STIM1: variants seen among roughly 807,000 people sequenced by gnomAD.
STIM1 encodes the protein stromal interaction molecule 1.
In STIM1, 25 loss-of-function variants were observed where a neutral mutation model predicts 74.7. The observed-to-expected ratio is 0.33, with a 90% CI of 0.24 to 0.47. The LOEUF is 0.47. Among genes scored for constraint, STIM1 ranks in the 20% least tolerant of loss-of-function variants. The pLI, the probability that STIM1 is intolerant of heterozygous loss-of-function variation, is 1.00. For missense variants in STIM1, 728 were observed against 920.8 expected (o/e 0.79, Z 2.71); for synonymous variants, 328 against 348.8 (o/e 0.94, Z 0.66).
intron 1 of STIM1, among the ~76,000 whole-genome samples, chr11:3,873,433 A>T (rs1465308394): frequency 1.2e-4 from 18 of 151,742 alleles, no homozygotes; most frequent in African/African-American, 4.4e-4. Flanking sequence ...AAAAAAAAAA[A>T]AAAATTAAAA....
chr11:4,085,262 T>G (rs2094486887), intron 11 of STIM1, among the ~76,000 whole-genome samples: 2 of 152,174 alleles, frequency 1.3e-5, no homozygotes. Flanking sequence ...GTCTCCCTGG[T>G]GGTCCTTCCA....
intron 5 of STIM1, among the ~76,000 whole-genome samples, chr11:4,064,781 A>G (rs1473229127): frequency 1.3e-5 from 2 of 152,152 alleles, no homozygotes; most frequent in South Asian, 2.1e-4. Flanking sequence ...CCATGTGACC[A>G]CAGAGTAGCA....
chr11:3,862,982 T>A (rs1444747220), intron 1 of STIM1, among the ~76,000 whole-genome samples: 1 of 152,030 alleles, frequency 6.6e-6, no homozygotes, highest in Admixed American at 6.5e-5. Flanking sequence ...AAACTCCACC[T>A]CCTGGGTTTA....
chr11:3,953,358 G>A (rs7924984), intron 1 of STIM1, among the ~76,000 whole-genome samples: 52,082 of 152,024 alleles, frequency 0.34, 9,141 homozygotes, highest in South Asian at 0.48. Flanking sequence ...AAGCCCAGAT[G>A]GAGTTTCTTG....
chr11:4,070,475 C>T (rs2094396686), intron 6 of STIM1, among the ~76,000 whole-genome samples: 1 of 152,182 alleles, frequency 6.6e-6, no homozygotes, highest in Non-Finnish European at 1.5e-5. Context: ...TTGAGCTTCC[C>T]ATTGCTTGTT....
intron 3 of STIM1, among the ~76,000 whole-genome samples, chr11:4,038,776 C>G (rs1271586020): frequency 6.6e-6 from 1 of 152,168 alleles, no homozygotes; most frequent in Admixed American, 6.6e-5. Context: ...CAGCCTAGCT[C>G]TACTGCTATG....
intron 1 of STIM1, among the ~76,000 whole-genome samples, chr11:3,920,888 T>A (rs535749838): frequency 6.6e-6 from 1 of 151,396 alleles, no homozygotes. Context: ...CTCCACCTTC[T>A]GGGTTCAAGT....
In STIM1 at chr11:4,029,092, G is replaced by A. The variant is rs76485041; in HGVS notation, c.385+5105G>A. On this transcript the variant is annotated intron_variant, in intron 3 of 12. Transcript: ENST00000526596. Reference sequence around the variant, plus strand: ...AATCCCAGCTGCTCGGGAGATTGAGGCAGGAGAATTGCTTGAAACTGGAAA... The same window carrying A: ...AATCCCAGCTGCTCGGGAGATTGAGACAGGAGAATTGCTTGAAACTGGAAA... 5.3e-3 allele frequency among the ~76,000 whole-genome samples: 803 copies of A among 152,150 alleles called. 3 individuals carry two copies. The highest frequency in any genetic ancestry group is 0.018 in the African/African-American group (744 of 41,482).
intron 1 of STIM1, among the ~76,000 whole-genome samples, chr11:3,926,379 T>C (rs935882652): frequency 6.6e-6 from 1 of 152,202 alleles, no homozygotes; most frequent in African/African-American, 2.4e-5. Context: ...TTAACATTGG[T>C]AAAGCATAAT....
rs775838561 is a variant in STIM1 at position 4,083,251 on chromosome 11, C to T, written c.1239-12C>T. 5 of 1,613,696 alleles carry T rather than the reference C, an allele frequency of 3.1e-6. No individual in the cohort carries two copies. The highest frequency in any genetic ancestry group is 4.2e-6 in the Non-Finnish European group (5 of 1,179,712). ...AAGTCCATGCCTGCAGTTCTCTTTC[C>T]TCTGTCTTCAGGCAAGCACTGAGCG... is the stretch of plus-strand genomic sequence containing the variant. On this transcript the variant is annotated splice_polypyrimidine_tract_variant and intron_variant, in intron 9 of 12. Coordinates refer to ENST00000526596, the MANE Select transcript of STIM1 (RefSeq NM_001382567.1).
At chr11:4,078,920 TA>T (rs569008120) in intron 7 of STIM1, among the ~76,000 whole-genome samples, 24 of 152,172 alleles carry the variant, frequency 1.6e-4, no homozygotes, top group African/African-American at 5.5e-4. Flanking sequence ...AACATTTTGA[TA>T]GGGGGTAATA....
chr11:3,917,442 T>G (rs1386702108), intron 1 of STIM1, among the ~76,000 whole-genome samples: 2 of 151,742 alleles, frequency 1.3e-5, no homozygotes, highest in Non-Finnish European at 2.9e-5. Flanking sequence ...TCTGTTTTTT[T>G]TTTTTTTTTT....
intron 2 of STIM1, among the ~76,000 whole-genome samples, chr11:3,981,010 T>A (rs768956238): frequency 2.6e-5 from 4 of 152,160 alleles, no homozygotes; most frequent in Non-Finnish European, 4.4e-5. Flanking sequence ...ATATATATAT[T>A]TTTTGGAGAC....
At chr11:3,973,491 C>T (rs573104668) in intron 2 of STIM1, 9 of 229,804 alleles carry the variant, frequency 3.9e-5, no homozygotes, top group Admixed American at 2.0e-4. Flanking sequence ...CTTGGACCTC[C>T]GGGGCTCAAG....
At chr11:3,960,665 T>C (rs1232091926) in intron 1 of STIM1, among the ~76,000 whole-genome samples, 1 of 152,198 alleles carries the variant, frequency 6.6e-6, no homozygotes, top group Non-Finnish European at 1.5e-5. Context: ...CTTGTTGAGT[T>C]TGGGTATAGT....
Position 4,055,549 on chromosome 11 carries a change from G to A in STIM1, c.409G>A (p.Val137Met). The change falls in exon 4 of 13, where the codon GTG becomes ATG. Residue 137 changes from valine (V) to methionine (M), a missense_variant. Physicochemically the swap from Val to Met is conservative, Grantham distance 21. This residue lies in a region of STIM1 where 132 missense variants were observed against 158.2 expected (regional missense o/e 0.83). Coordinates refer to ENST00000526596, the MANE Select transcript of STIM1 (RefSeq NM_001382567.1). ...AGTATACAATTGGACCGTGGATGAGGTGGTACAGTGGCTGATCACATATGT... is the reference window on the plus strand; with the variant it reads ...AGTATACAATTGGACCGTGGATGAGATGGTACAGTGGCTGATCACATATGT... ...SEVYNWTVDEVVQWLITYVEL... is the reference protein window; with the variant it reads ...SEVYNWTVDEMVQWLITYVEL... 1.2e-6 allele frequency: 2 copies of A among 1,600,796 alleles called. No homozygotes were observed. The highest frequency in any genetic ancestry group is 2.3e-5 in the South Asian group (2 of 88,174).
chr11:3,937,598 C>T (rs10835337), intron 1 of STIM1, among the ~76,000 whole-genome samples: 52,214 of 151,926 alleles, frequency 0.34, 9,194 homozygotes, highest in South Asian at 0.49. Flanking sequence ...GAACCTGATT[C>T]TCCATAAGTC....
At chr11:3,904,014 T>C (rs2092411559) in intron 1 of STIM1, among the ~76,000 whole-genome samples, 1 of 151,664 alleles carries the variant, frequency 6.6e-6, no homozygotes, top group Admixed American at 6.6e-5. Flanking sequence ...CTGACCAATA[T>C]GGTGAAACCC....
intron 2 of STIM1, among the ~76,000 whole-genome samples, chr11:3,978,070 T>C (rs914200813): frequency 2.0e-5 from 3 of 151,962 alleles, no homozygotes; most frequent in Non-Finnish European, 2.9e-5. Context: ...AGGGAGGGCA[T>C]GATAAAGCAG....
Sources: allele counts gnomAD v4.1 joint callset (sites outside exome capture counted in the v4.1 genomes callset), GRCh38; gene constraint gnomAD v4.1.1; regional missense constraint gnomAD v4.1.1; transcripts MANE v1.5; gene names NCBI Gene and HGNC (gene_info 2026-07-23, HGNC 2026-07-21).